Variants in PIP4K2A observed in about 807,000 individuals in gnomAD.
PIP4K2A encodes phosphatidylinositol-5-phosphate 4-kinase type 2 alpha.
A neutral mutation model predicts 42.9 loss-of-function variants in PIP4K2A; 14 were observed. That is an observed-to-expected ratio of 0.33 (90% confidence interval 0.22 to 0.51). PIP4K2A has a LOEUF of 0.51. PIP4K2A is among the 20% of genes least tolerant of loss of function. The pLI, the probability that PIP4K2A is intolerant of heterozygous loss-of-function variation, is 0.97. For missense variants in PIP4K2A, 434 were observed against 519.8 expected (o/e 0.83, Z 1.61); for synonymous variants, 192 against 192.2 (o/e 1.00, Z 0.01).
At chr10:22,552,521 T>G (rs1836438429) in intron 6 of PIP4K2A, among the ~76,000 whole-genome samples, 1 of 152,132 alleles carries the variant, frequency 6.6e-6, no homozygotes, top group African/African-American at 2.4e-5. Flanking sequence ...AATATTAAAA[T>G]GTTTGAGTTC....
chr10:22,594,616 G>A (rs923914688), intron 3 of PIP4K2A, among the ~76,000 whole-genome samples: 3 of 151,986 alleles, frequency 2.0e-5, no homozygotes, highest in Admixed American at 6.5e-5. Flanking sequence ...GGGTGATCTC[G>A]AACTCCTGGC....
chr10:22,581,014 A>AGCTG, intron 4 of PIP4K2A, among the ~76,000 whole-genome samples: 1 of 152,240 alleles, frequency 6.6e-6, no homozygotes, highest in South Asian at 2.1e-4. Context: ...AACACTGAAC[A>AGCTG]ATGCTGGCCG....
At chr10:22,654,331 T>C (rs1839052004) in intron 1 of PIP4K2A, among the ~76,000 whole-genome samples, 1 of 151,874 alleles carries the variant, frequency 6.6e-6, no homozygotes, top group Admixed American at 6.6e-5. Flanking sequence ...ATTAAGGAAA[T>C]GAAAAACACA....
intron 1 of PIP4K2A, among the ~76,000 whole-genome samples, chr10:22,692,471 T>C (rs1055514629): frequency 2.4e-4 from 37 of 151,964 alleles, no homozygotes; most frequent in Non-Finnish European, 2.6e-4. Flanking sequence ...CAACAGAAAA[T>C]TGTCTAAAAT....
chr10:22,619,439 C>CTTTTTTTT (rs746519034), intron 1 of PIP4K2A, among the ~76,000 whole-genome samples: 1 of 137,508 alleles, frequency 7.3e-6, no homozygotes, highest in African/African-American at 2.8e-5. Context: ...TTTCTTTTTT[C>CTTTTTTTT]TTTTTTTTTT....
intron 8 of PIP4K2A, among the ~76,000 whole-genome samples, chr10:22,540,610 T>A (rs2130739344): frequency 1.3e-5 from 2 of 152,260 alleles, no homozygotes; most frequent in East Asian, 3.9e-4. Context: ...CAGGCTGGAG[T>A]GCAATGGTGC....
chr10:22,644,146 C>T (rs1392845488), intron 1 of PIP4K2A, among the ~76,000 whole-genome samples: 1 of 152,240 alleles, frequency 6.6e-6, no homozygotes, highest in Non-Finnish European at 1.5e-5. Flanking sequence ...CCCTCCCTCT[C>T]TCAGCCAGTG....
chr10:22,543,870 C>T (rs1429292549), intron 7 of PIP4K2A, among the ~76,000 whole-genome samples: 1 of 152,142 alleles, frequency 6.6e-6, no homozygotes, highest in Non-Finnish European at 1.5e-5. Context: ...GAACTGGGCA[C>T]TCCGGGGTAT....
chr10:22,674,633 C>T (rs1438197586), intron 1 of PIP4K2A, among the ~76,000 whole-genome samples: 1 of 151,866 alleles, frequency 6.6e-6, no homozygotes, highest in South Asian at 2.1e-4. Context: ...GAACCACTAA[C>T]GAATTTTGTT....
intron 1 of PIP4K2A, among the ~76,000 whole-genome samples, chr10:22,613,315 C>T (rs181178482): frequency 5.9e-4 from 90 of 151,784 alleles, no homozygotes; most frequent in African/African-American, 2.1e-3. Flanking sequence ...AGGACAGGAG[C>T]GAGATGAAGA....
At chr10:22,667,814 T>C (rs1839376444) in intron 1 of PIP4K2A, among the ~76,000 whole-genome samples, 2 of 151,878 alleles carry the variant, frequency 1.3e-5, no homozygotes, top group African/African-American at 4.8e-5. Context: ...AATACTTTCA[T>C]GATTGAAAGG....
intron 1 of PIP4K2A, among the ~76,000 whole-genome samples, chr10:22,636,213 C>T (rs2130781517): frequency 6.6e-6 from 1 of 152,122 alleles, no homozygotes; most frequent in East Asian, 1.9e-4. Context: ...AGTACAGACA[C>T]CCACCTCTGT....
intron 1 of PIP4K2A, among the ~76,000 whole-genome samples, chr10:22,643,545 T>G (rs1838822042): frequency 1.3e-5 from 2 of 152,122 alleles, no homozygotes; most frequent in Non-Finnish European, 2.9e-5. Context: ...CTCCAAAGAT[T>G]GCCTAACCTG....
chr10:22,573,814 C>T (rs183425219), intron 4 of PIP4K2A, among the ~76,000 whole-genome samples: 1 of 152,224 alleles, frequency 6.6e-6, no homozygotes, highest in Non-Finnish European at 1.5e-5. Context: ...TCTTCTACCC[C>T]CAAAGCCCTG....
chr10:22,623,573 T>TA (rs58763017), intron 1 of PIP4K2A, among the ~76,000 whole-genome samples: 21,838 of 151,960 alleles, frequency 0.14, 1,989 homozygotes, highest in African/African-American at 0.25. Context: ...GGAAGGGAGG[T>TA]ACCCCCAGGA....
At chr10:22,643,927 T>C (rs1838830250) in intron 1 of PIP4K2A, among the ~76,000 whole-genome samples, 3 of 152,252 alleles carry the variant, frequency 2.0e-5, no homozygotes, top group South Asian at 4.1e-4. Context: ...TTGGAGGGTT[T>C]ATCATCCTCC....
chr10:22,614,185 C>A (rs1017319558), intron 1 of PIP4K2A, among the ~76,000 whole-genome samples: 2 of 152,174 alleles, frequency 1.3e-5, no homozygotes, highest in African/African-American at 4.8e-5. Context: ...CTTCCAAAAC[C>A]AGACTACCCC....
intron 1 of PIP4K2A, among the ~76,000 whole-genome samples, chr10:22,630,684 T>C (rs1183605715): frequency 2.0e-5 from 3 of 152,228 alleles, no homozygotes; most frequent in African/African-American, 7.2e-5. Flanking sequence ...AACTTCAGAA[T>C]GAGCCACAAA....
chr10:22,581,976 T>C (rs964990569), intron 4 of PIP4K2A, among the ~76,000 whole-genome samples: 5 of 151,446 alleles, frequency 3.3e-5, no homozygotes, highest in Non-Finnish European at 5.9e-5. Context: ...ATGAGCCAGG[T>C]GTGGTGGCGC....
Sources: gnomAD v4.1 joint callset for allele counts (sites outside exome capture counted in the v4.1 genomes callset) on GRCh38, gnomAD v4.1.1 for gene constraint, MANE v1.5 for transcripts, NCBI Gene and HGNC (gene_info 2026-07-23, HGNC 2026-07-21) for gene names.